Variants in LAMA1 observed in about 807,000 individuals in gnomAD.
LAMA1 encodes the protein laminin subunit alpha-1.
A neutral mutation model predicts 348.7 loss-of-function variants in LAMA1; 219 were observed. That is an observed-to-expected ratio of 0.63 (90% CI 0.56 to 0.70). The LOEUF is 0.70. Ranked by LOEUF, LAMA1 falls within the 30% of genes least tolerant of loss-of-function variation. The pLI, the probability that LAMA1 is intolerant of heterozygous loss-of-function variation, is 0.00. For missense variants in LAMA1, 3,744 were observed against 3,888.0 expected (o/e 0.96, Z 0.99); for synonymous variants, 1,487 against 1,491.0 (o/e 1.00, Z 0.06).
intron 1 of LAMA1, among the ~76,000 whole-genome samples, chr18:7,107,436 T>C (rs192538505): frequency 1.3e-5 from 2 of 152,214 alleles, no homozygotes; most frequent in Admixed American, 6.5e-5. Flanking sequence ...CCTTTTGATA[T>C]ATGCACTTTT....
intron 5 of LAMA1, among the ~76,000 whole-genome samples, chr18:7,048,299 G>A (rs772697693): frequency 2.6e-5 from 4 of 152,100 alleles, no homozygotes; most frequent in Non-Finnish European, 5.9e-5. Context: ...GCCAATACAC[G>A]CACACAGGAA....
intron 8 of LAMA1, chr18:7,042,575 T>C (rs1268766552): frequency 3.1e-6 from 1 of 321,962 alleles, no homozygotes; most frequent in African/African-American, 2.1e-5. Flanking sequence ...GAACTACATA[T>C]CAAGTCAATT....
intron 50 of LAMA1, 133 bp from the exon 51 acceptor site, chr18:6,964,936 A>AGAACATTAGC: frequency 9.6e-7 from 1 of 1,042,954 alleles, no homozygotes; most frequent in Non-Finnish European, 1.4e-6. Context: ...TGATCAGCTA[A>AGAACATTAGC]TGTTCTTGGC....
chr18:6,948,506 T>C lies in LAMA1; in HGVS notation c.8607A>G (p.Lys2869=). 1 of 1,614,154 alleles carries C rather than the reference T, an allele frequency of 6.2e-7. No individual in the cohort carries two copies. Among genetic ancestry groups the C allele is most frequent in the African/African-American group, 1.3e-5 (1 of 75,040 alleles). The change falls in exon 60 of 63, where the codon AAA becomes AAG. Residue 2869 remains lysine, a synonymous_variant. Transcript: ENST00000389658. ...ACIGDVTVNS[K]QLDKDSPVSA... ...ACACCGGGCTGTCCTTGTCCAGCTG[T>C]TTGCTGTTAACCGTCACATCCCCAA...
At chr18:7,090,005 A>G (rs552950745) in intron 1 of LAMA1, among the ~76,000 whole-genome samples, 1 of 152,324 alleles carries the variant, frequency 6.6e-6, no homozygotes, top group South Asian at 2.1e-4. Flanking sequence ...CCAATACTAC[A>G]TAGTTCCAAG....
intron 1 of LAMA1, among the ~76,000 whole-genome samples, chr18:7,085,844 G>A (rs925552630): frequency 1.3e-5 from 2 of 152,150 alleles, no homozygotes; most frequent in Non-Finnish European, 2.9e-5. Flanking sequence ...TCACCTGACT[G>A]AGCAATAAAA....
Position 6,993,708 on chromosome 18 carries a change from AG to A in LAMA1, c.4940del (p.Thr1647MetfsTer13). The A allele has an allele frequency of 6.2e-7, 1 of 1,614,102 alleles. No individual in the cohort carries two copies. The highest frequency in any genetic ancestry group is 8.5e-7 in the Non-Finnish European group (1 of 1,179,972). On this transcript the variant is annotated frameshift_variant, in exon 35 of 63. Coordinates refer to ENST00000389658, the MANE Select transcript of LAMA1 (RefSeq NM_005559.4). LOFTEE classifies it high-confidence loss of function. ...CTTGACTCTCCTTGAAGATTCTCTC[AG>A]TTGCCCTATTCACCTTTTGGGTACT... ...LASTQKVNRA[T>X]ERIFKESQDL...
intron 1 of LAMA1, among the ~76,000 whole-genome samples, chr18:7,094,513 A>C (rs2058252867): frequency 6.6e-6 from 1 of 151,968 alleles, no homozygotes; most frequent in Non-Finnish European, 1.5e-5. Flanking sequence ...CAATTCAGCC[A>C]AACTTGGCAC....
chr18:6,984,407 A>G (rs1274172109), intron 39 of LAMA1, among the ~76,000 whole-genome samples: 1 of 152,208 alleles, frequency 6.6e-6, no homozygotes, highest in African/African-American at 2.4e-5. Flanking sequence ...TTACCAATTA[A>G]CTCACAGTAT....
intron 33 of LAMA1, among the ~76,000 whole-genome samples, chr18:6,996,058 T>C: frequency 6.6e-6 from 1 of 152,180 alleles, no homozygotes; most frequent in East Asian, 1.9e-4. Flanking sequence ...AAAATAGTTA[T>C]ATCCCTGGGA....
At chr18:6,966,122 C>A in intron 49 of LAMA1, 25 bp downstream of exon 49, 1 of 1,613,388 alleles carries the variant, frequency 6.2e-7, no homozygotes, top group Non-Finnish European at 8.5e-7. Context: ...TACAGTAGGG[C>A]CTAGGGCCGC....
At chr18:6,951,905 G>C (rs1448375496) in intron 57 of LAMA1, among the ~76,000 whole-genome samples, 2 of 152,230 alleles carry the variant, frequency 1.3e-5, no homozygotes, top group African/African-American at 4.8e-5. Context: ...CAACGGCAAA[G>C]AGCAGGAGAG....
chr18:6,969,545 C>G (rs2057648954), intron 48 of LAMA1, among the ~76,000 whole-genome samples: 1 of 152,240 alleles, frequency 6.6e-6, no homozygotes, highest in Non-Finnish European at 1.5e-5. Flanking sequence ...ATACCCTACA[C>G]CAAACTAGCA....
At chr18:7,108,686 A>G (rs964107131) in intron 1 of LAMA1, among the ~76,000 whole-genome samples, 11 of 147,942 alleles carry the variant, frequency 7.4e-5, no homozygotes. Flanking sequence ...CCTTTTAAAG[A>G]AAAACACTGG....
intron 3 of LAMA1, among the ~76,000 whole-genome samples, chr18:7,068,923 C>T (rs1245677577): frequency 7.1e-6 from 1 of 140,888 alleles, no homozygotes; most frequent in Non-Finnish European, 1.5e-5. Flanking sequence ...TCAGAACGGA[C>T]TTCCCTTTTT....
At chr18:7,097,202 A>G (rs569814412) in intron 1 of LAMA1, among the ~76,000 whole-genome samples, 18 of 152,260 alleles carry the variant, frequency 1.2e-4, no homozygotes, top group Admixed American at 9.2e-4. Context: ...CAGGAGAGCC[A>G]CAGAAGGGCT....
intron 32 of LAMA1, among the ~76,000 whole-genome samples, chr18:6,998,273 C>G (rs557218809): frequency 2.4e-4 from 37 of 152,190 alleles, no homozygotes; most frequent in African/African-American, 8.4e-4. Context: ...GGTGAACACA[C>G]GCTGACGAAA....
In LAMA1 at chr18:6,999,995, A is replaced by T. The variant is rs761844333; in HGVS notation, c.4385T>A (p.Phe1462Tyr). 6.2e-7 allele frequency: 1 copy of T among 1,610,266 alleles called. No homozygotes were observed. The highest frequency in any genetic ancestry group is 8.5e-7 in the Non-Finnish European group (1 of 1,176,576). The stretch of plus-strand genomic sequence containing the variant: ...CCCTTCCAAGACACAAGTGGGACTA[A>T]AACTGGAGGAAAAGAATTTCTTTTT... ...CACPHSPPASFSPTCVLEGDH... is the reference protein window; with the variant it reads ...CACPHSPPASYSPTCVLEGDH... The change falls in exon 31 of 63, where the codon TTT becomes TAT. Residue 1462 changes from phenylalanine to tyrosine, a missense_variant and splice_region_variant. Phe to Tyr is a conservative substitution (Grantham distance 22). Coordinates refer to ENST00000389658, the MANE Select transcript of LAMA1 (RefSeq NM_005559.4).
intron 20 of LAMA1, 60 bp from the exon 21 acceptor site, chr18:7,016,731 A>T (rs917652048): frequency 1.1e-5 from 16 of 1,417,348 alleles, no homozygotes; most frequent in Non-Finnish European, 1.5e-5. Flanking sequence ...ATGACTCCTC[A>T]TATTAGTATG....
Sources: gnomAD v4.1 joint callset for allele counts (sites outside exome capture counted in the v4.1 genomes callset) on GRCh38, gnomAD v4.1.1 for gene constraint, MANE v1.5 for transcripts, NCBI Gene and HGNC (gene_info 2026-07-23, HGNC 2026-07-21) for gene names.